AP2B1: variants seen among roughly 807,000 people sequenced by gnomAD.
The protein encoded by AP2B1 is AP-2 complex subunit beta.
In AP2B1, 23 loss-of-function variants were observed where a neutral mutation model predicts 102.0. That is an observed-to-expected ratio of 0.23 (90% CI 0.16 to 0.32). AP2B1 has a LOEUF of 0.32. AP2B1 is among the 10% of genes least tolerant of loss of function. The pLI is 1.00. For synonymous variants in AP2B1, 381 were observed against 421.2 expected (o/e 0.90, Z 1.17); for missense variants, 541 against 1,157.4 (o/e 0.47, Z 7.73).
chr17:35,590,750 C>T (rs1232314456), intron 1 of AP2B1, among the ~76,000 whole-genome samples: 22 of 152,096 alleles, frequency 1.4e-4, no homozygotes, highest in Admixed American at 1.4e-3. Flanking sequence ...GACAAGAACA[C>T]TTAATGCTCA....
intron 9 of AP2B1, among the ~76,000 whole-genome samples, chr17:35,629,959 G>A (rs1374572872): frequency 3.3e-5 from 5 of 152,148 alleles, no homozygotes; most frequent in Admixed American, 6.5e-5. Flanking sequence ...CTGTTTTTAT[G>A]GGTTCAGAGC....
intron 18 of AP2B1, among the ~76,000 whole-genome samples, chr17:35,699,556 A>G (rs1382378631): frequency 1.3e-5 from 2 of 152,178 alleles, no homozygotes; most frequent in South Asian, 2.1e-4. Flanking sequence ...TTTGAATCCT[A>G]GCCTTGGAAG....
intron 18 of AP2B1, among the ~76,000 whole-genome samples, chr17:35,707,752 C>T (rs1027309938): frequency 6.6e-6 from 1 of 152,258 alleles, no homozygotes; most frequent in Non-Finnish European, 1.5e-5. Flanking sequence ...TGCACCCACC[C>T]ATGCTCTAGT....
chr17:35,598,969 G>A (rs950990319), intron 3 of AP2B1, among the ~76,000 whole-genome samples: 8 of 152,188 alleles, frequency 5.3e-5, no homozygotes, highest in African/African-American at 1.9e-4. Context: ...AAGCAGTGGT[G>A]GGTAAAACTG....
chr17:35,614,072 C>T (rs772490644), intron 5 of AP2B1, among the ~76,000 whole-genome samples: 11 of 152,060 alleles, frequency 7.2e-5, no homozygotes, highest in Non-Finnish European at 1.5e-4. Flanking sequence ...CTTTTTTGCT[C>T]TCAGAGGCAT....
At chr17:35,630,542 C>T (rs1286578019) in intron 9 of AP2B1, among the ~76,000 whole-genome samples, 3 of 152,152 alleles carry the variant, frequency 2.0e-5, no homozygotes, top group Admixed American at 6.5e-5. Context: ...CTGCCATTGT[C>T]TTATGACCTA....
At chr17:35,625,598 C>G (rs571469397) in intron 6 of AP2B1, among the ~76,000 whole-genome samples, 87 of 151,980 alleles carry the variant, frequency 5.7e-4, no homozygotes, top group African/African-American at 2.0e-3. Flanking sequence ...TCATGGCCCT[C>G]TGGGATCACT....
intron 3 of AP2B1, chr17:35,601,070 TAGTA>T (rs2073464314): frequency 4.6e-5 from 41 of 886,330 alleles, no homozygotes; most frequent in Non-Finnish European, 5.1e-5. Flanking sequence ...AAGGACAAAA[TAGTA>T]AGTACATCAG....
At chr17:35,622,893 T>A (rs2074220518) in intron 5 of AP2B1, among the ~76,000 whole-genome samples, 1 of 152,092 alleles carries the variant, frequency 6.6e-6, no homozygotes, top group Non-Finnish European at 1.5e-5. Flanking sequence ...CTCGAACTCC[T>A]GACCTAAGTG....
chr17:35,699,527 T>C lies in AP2B1; in HGVS notation c.2455-9697T>C, dbSNP rs141576100. 5.4e-3 allele frequency among the ~76,000 whole-genome samples: 827 copies of C among 152,270 alleles called. 3 individuals are homozygous for C. Among genetic ancestry groups the C allele is most frequent in the Middle Eastern group, 0.02 (6 of 294 alleles). On this transcript the variant is annotated intron_variant, in intron 18 of 21. Coordinates refer to ENST00000610402, the MANE Select transcript of AP2B1 (RefSeq NM_001030006.2). Reference sequence around the variant, plus strand: ...ATCTATTGGGTGGACTGAGAAAGAATATGGGAAGAGAGTTCTTGTTTGAAT... The same window carrying C: ...ATCTATTGGGTGGACTGAGAAAGAACATGGGAAGAGAGTTCTTGTTTGAAT...
intron 20 of AP2B1, among the ~76,000 whole-genome samples, chr17:35,711,403 C>G (rs1555587403): frequency 7.2e-6 from 1 of 139,566 alleles, no homozygotes; most frequent in East Asian, 2.1e-4. Flanking sequence ...CACGGCAGCA[C>G]AGAAAGCAAA....
intron 18 of AP2B1, among the ~76,000 whole-genome samples, chr17:35,691,947 G>A (rs1249029000): frequency 6.6e-6 from 1 of 152,100 alleles, no homozygotes; most frequent in African/African-American, 2.4e-5. Context: ...TTTTTTGCTA[G>A]ATTGTCCTTA....
intron 9 of AP2B1, among the ~76,000 whole-genome samples, chr17:35,631,270 A>G (rs969337830): frequency 2.5e-4 from 38 of 152,060 alleles, no homozygotes; most frequent in Admixed American, 7.2e-4. Flanking sequence ...TGATTTTTAT[A>G]TATTAGAATA....
intron 20 of AP2B1, among the ~76,000 whole-genome samples, chr17:35,712,689 T>A (rs781824807): frequency 6.6e-6 from 1 of 152,000 alleles, no homozygotes; most frequent in Non-Finnish European, 1.5e-5. Flanking sequence ...TCCATGAAAG[T>A]TGAAAAATAC....
chr17:35,668,723 C>T (rs1411641095), intron 14 of AP2B1, among the ~76,000 whole-genome samples: 1 of 152,072 alleles, frequency 6.6e-6, no homozygotes, highest in African/African-American at 2.4e-5. Context: ...CTTTCTTCAC[C>T]TTTGTTCATG....
intron 13 of AP2B1, among the ~76,000 whole-genome samples, chr17:35,655,280 C>T (rs1037105277): frequency 6.6e-6 from 1 of 152,148 alleles, no homozygotes; most frequent in Non-Finnish European, 1.5e-5. Context: ...AATCACTACC[C>T]TGATCAGATA....
At chr17:35,674,894 T>C (rs2075668487) in intron 17 of AP2B1, among the ~76,000 whole-genome samples, 1 of 152,220 alleles carries the variant, frequency 6.6e-6, no homozygotes, top group African/African-American at 2.4e-5. Context: ...ACGTTTTTGA[T>C]AAATTTTTAA....
rs1041581633 is a variant in AP2B1 at position 35,708,939 on chromosome 17, A to G, written c.2455-285A>G. 2.6e-5 allele frequency among the ~76,000 whole-genome samples: 4 copies of G among 152,190 alleles called. No individual in the cohort carries two copies. In the East Asian group the frequency reaches 5.8e-4, roughly 22 times the overall value. ...GTGGTAGCAGCTACTATTAATAATC[A>G]TAGAGAAAAAAATCACAGACTAGAT... On this transcript the variant is annotated intron_variant, in intron 18 of 21. Transcript: ENST00000610402.
chr17:35,672,267 A>G (rs981105910), intron 16 of AP2B1, among the ~76,000 whole-genome samples: 1 of 152,148 alleles, frequency 6.6e-6, no homozygotes, highest in Admixed American at 6.5e-5. Context: ...CTCTTTCCCC[A>G]TTGGTATTAC....
Sources: allele counts gnomAD v4.1 joint callset (sites outside exome capture counted in the v4.1 genomes callset), GRCh38; gene constraint gnomAD v4.1.1; transcripts MANE v1.5; gene names NCBI Gene and HGNC (gene_info 2026-07-23, HGNC 2026-07-21).